Variants in CCSER1 observed in about 807,000 individuals in gnomAD.
The protein encoded by CCSER1 is serine-rich coiled-coil domain-containing protein 1.
In CCSER1, 41 loss-of-function variants were observed where a neutral mutation model predicts 82.0. The ratio of observed to expected loss-of-function variants is 0.50; its 90% CI spans 0.39 to 0.65. CCSER1 has a LOEUF of 0.65. CCSER1 is among the 30% of genes least tolerant of loss of function. The pLI, the probability that CCSER1 is intolerant of heterozygous loss-of-function variation, is 0.00. For synonymous variants in CCSER1, 414 were observed against 383.9 expected, an observed-to-expected ratio of 1.08 and a Z score of -0.92; for missense variants, 1,119 against 1,064.2, an observed-to-expected ratio of 1.05 and a Z score of -0.72.
chr4:90,709,637 G>A (rs1740099502), intron 6 of CCSER1, among the ~76,000 whole-genome samples: 1 of 152,128 alleles, frequency 6.6e-6, no homozygotes, highest in Non-Finnish European at 1.5e-5. Context: ...TGGCTGCATA[G>A]TATATTATGG....
At chr4:90,835,883 G>A (rs1044761679) in intron 8 of CCSER1, among the ~76,000 whole-genome samples, 11 of 152,152 alleles carry the variant, frequency 7.2e-5, no homozygotes, top group African/African-American at 2.2e-4. Context: ...GACAACACAA[G>A]GTCTGGGGCA....
chr4:91,592,467 A>G (rs1764313537), intron 10 of CCSER1, among the ~76,000 whole-genome samples: 1 of 152,092 alleles, frequency 6.6e-6, no homozygotes, highest in African/African-American at 2.4e-5. Context: ...AATAAAATAT[A>G]TGGTATTCTC....
At chr4:90,137,772 C>G (rs1035968854) in intron 1 of CCSER1, among the ~76,000 whole-genome samples, 3 of 152,176 alleles carry the variant, frequency 2.0e-5, no homozygotes, top group African/African-American at 7.2e-5. Context: ...ACCTCTCTTG[C>G]AAAAATGCAA....
intron 5 of CCSER1, among the ~76,000 whole-genome samples, chr4:90,508,779 T>A (rs188320566): frequency 6.6e-6 from 1 of 152,018 alleles, no homozygotes; most frequent in Non-Finnish European, 1.5e-5. Context: ...AATATCTTTT[T>A]TATTTAAAAC....
chr4:90,732,580 T>C (rs1299775439), intron 7 of CCSER1, among the ~76,000 whole-genome samples: 1 of 152,146 alleles, frequency 6.6e-6, no homozygotes, highest in Non-Finnish European at 1.5e-5. Context: ...ACAAACTACT[T>C]AGGGACAGTG....
At chr4:90,988,812 A>G (rs917503514) in intron 9 of CCSER1, among the ~76,000 whole-genome samples, 2 of 151,864 alleles carry the variant, frequency 1.3e-5, no homozygotes, top group Non-Finnish European at 2.9e-5. Context: ...AGCCATTACA[A>G]TAAGTAAACA....
chr4:91,153,196 G>T (rs1032318618), intron 10 of CCSER1, among the ~76,000 whole-genome samples: 3 of 151,876 alleles, frequency 2.0e-5, no homozygotes, highest in African/African-American at 2.4e-5. Flanking sequence ...TTTCTTAGAG[G>T]CTTTGTTCAT....
chr4:90,462,623 C>T (rs926603171), intron 4 of CCSER1, among the ~76,000 whole-genome samples: 2 of 152,148 alleles, frequency 1.3e-5, no homozygotes, highest in Admixed American at 6.5e-5. Context: ...GTAGTCCCAG[C>T]TACTCAGGAG....
intron 3 of CCSER1, among the ~76,000 whole-genome samples, chr4:90,371,349 A>G (rs13133689): frequency 6.6e-6 from 1 of 152,146 alleles, no homozygotes; most frequent in Non-Finnish European, 1.5e-5. Context: ...TTTTATAATT[A>G]CACTAGCATC....
rs1553982851 is a variant in CCSER1 at position 90,271,890 on chromosome 4, T to TTTTTAA, written c.-41-36354_-41-36353insTTTTAA. ...TTTTTTTTTTTTTTTTTTTTTTTTTTAAAAGGAGGTTTAATTGACTCACAG... is the reference window on the plus strand; with the variant it reads ...TTTTTTTTTTTTTTTTTTTTTTTTTTTTTTAAAAAAGGAGGTTTAATTGACTCACAG... On this transcript the variant is annotated intron_variant, in intron 1 of 10. Coordinates refer to ENST00000509176, the MANE Select transcript of CCSER1 (RefSeq NM_001145065.2). Among the ~76,000 whole-genome samples the TTTTTAA allele has an allele frequency of 2.3e-4, 16 of 70,120 alleles. 1 individual carries two copies. The highest frequency in any genetic ancestry group is 7.5e-4 in the Admixed American group (4 of 5,312). The allele number at this position is 70,120 out of a possible 152,430, so 46.0% of individuals were successfully genotyped here.
chr4:91,273,744 C>G (rs1488100299), intron 10 of CCSER1, among the ~76,000 whole-genome samples: 1 of 152,106 alleles, frequency 6.6e-6, no homozygotes, highest in Non-Finnish European at 1.5e-5. Flanking sequence ...GTGGGTTTGT[C>G]ATAGATGGCT....
chr4:91,517,259 T>C (rs1030344761), intron 10 of CCSER1, among the ~76,000 whole-genome samples: 1 of 152,158 alleles, frequency 6.6e-6, no homozygotes, highest in Non-Finnish European at 1.5e-5. Flanking sequence ...AGAGAGGGCA[T>C]CTTTGTGTTG....
At chr4:90,708,945 T>A (rs183321977) in intron 6 of CCSER1, among the ~76,000 whole-genome samples, 58 of 152,298 alleles carry the variant, frequency 3.8e-4, no homozygotes, top group African/African-American at 1.3e-3. Flanking sequence ...ATTGATAATA[T>A]ATGTGAAGCT....
chr4:91,323,604 C>A (rs571677526), intron 10 of CCSER1, among the ~76,000 whole-genome samples: 1 of 152,162 alleles, frequency 6.6e-6, no homozygotes, highest in Admixed American at 6.5e-5. Flanking sequence ...AAGATATTTA[C>A]CTGAATTTCA....
At chr4:90,703,149 TCC>T (rs1481635862) in intron 6 of CCSER1, among the ~76,000 whole-genome samples, 1 of 152,228 alleles carries the variant, frequency 6.6e-6, no homozygotes, top group Non-Finnish European at 1.5e-5. Context: ...TTTTAGTGTG[TCC>T]CACATATTCT....
chr4:91,562,448 T>A (rs1762695903), intron 10 of CCSER1, among the ~76,000 whole-genome samples: 1 of 151,540 alleles, frequency 6.6e-6, no homozygotes, highest in Non-Finnish European at 1.5e-5. Flanking sequence ...GTGCCTTGGA[T>A]GGAATAAGGG....
At chr4:90,916,253 GAC>G (rs1328827670) in intron 8 of CCSER1, among the ~76,000 whole-genome samples, 5 of 152,284 alleles carry the variant, frequency 3.3e-5, no homozygotes, top group Admixed American at 2.0e-4. Context: ...CGCGCTACCT[GAC>G]TTAAACTATA....
intron 10 of CCSER1, among the ~76,000 whole-genome samples, chr4:91,155,992 A>C (rs1730777304): frequency 6.6e-6 from 1 of 151,784 alleles, no homozygotes; most frequent in African/African-American, 2.4e-5. Flanking sequence ...TGGCAAGAAA[A>C]GTGTTATTAA....
rs575728919 is a variant in CCSER1, at chr4:91,035,223, A to C, written c.2173-50727A>C. Among the ~76,000 whole-genome samples the C allele has an allele frequency of 1.1e-4, 16 of 152,298 alleles. 1 individual carries two copies. In the South Asian group the frequency reaches 3.3e-3, roughly 32 times the overall value. On this transcript the variant is annotated intron_variant, in intron 9 of 10. Transcript: ENST00000509176. ...TTTGACCAAAAGATTAGTATTAAAC[A>C]TTCATGGAACTGAAATAAAGCTTTA...
Sources: allele counts gnomAD v4.1 joint callset (sites outside exome capture counted in the v4.1 genomes callset), GRCh38; gene constraint gnomAD v4.1.1; transcripts MANE v1.5; gene names NCBI Gene and HGNC (gene_info 2026-07-23, HGNC 2026-07-21).